Variants in USH2A observed in about 807,000 individuals in gnomAD.
USH2A encodes Usher syndrome 2A (autosomal recessive, mild).
USH2A carries 443 observed loss-of-function variants against 538.9 expected under a neutral mutation model. That is an observed-to-expected ratio of 0.82 (90% CI 0.76 to 0.89). The LOEUF (loss-of-function observed/expected upper bound fraction) is 0.89, where lower values mean the gene tolerates loss of function less well. Among genes scored for constraint, USH2A ranks in the 40% least tolerant of loss-of-function variants. The probability of loss-of-function intolerance (pLI) is 0.00; values close to 1 mark genes in which losing one functional copy is unlikely to be tolerated. For synonymous variants in USH2A, 2,413 were observed against 2,273.5 expected, an observed-to-expected ratio of 1.06 and a Z score of -1.75; for missense variants, 6,633 against 6,324.8, an observed-to-expected ratio of 1.05 and a Z score of -1.65.
Position 216,423,298 on chromosome 1 carries a change from G to A in USH2A, c.-289C>T, listed in dbSNP as rs886045956. 1 of 152,122 alleles carries A rather than the reference G, an allele frequency of 6.6e-6. No individual in the cohort carries two copies. The highest frequency in any genetic ancestry group is 1.5e-5 in the Non-Finnish European group (1 of 68,030). 9.4% of individuals were successfully genotyped at this position (152,122 alleles called of 1,614,324 possible). On this transcript the variant is annotated 5_prime_UTR_variant, in exon 1 of 72. Coordinates refer to ENST00000307340, the MANE Select transcript of USH2A (RefSeq NM_206933.4). ...CCGCTGTCCCTCGTTGCCTGGCAAC[G>A]CTGCTGTAACCCCTGGTTACTCAGC...
At chr1:216,156,342 C>T (rs571651043) in intron 21 of USH2A, among the ~76,000 whole-genome samples, 15 of 128,460 alleles carry the variant, frequency 1.2e-4, no homozygotes, top group East Asian at 1.2e-3. Context: ...GCCTCATCCT[C>T]GGAGAGGTCT....
chr1:215,638,685 TA>T (rs1052669598), intron 69 of USH2A, among the ~76,000 whole-genome samples: 1 of 150,790 alleles, frequency 6.6e-6, no homozygotes, highest in African/African-American at 2.4e-5. Context: ...GAGGACTTTT[TA>T]AAAAATTTCT....
chr1:216,297,748 C>A lies in USH2A; in HGVS notation c.1645-5378G>T, dbSNP rs1347570999. Among the ~76,000 whole-genome samples the A allele has an allele frequency of 3.9e-5, 6 of 152,044 alleles. No homozygotes were observed. In the East Asian group the frequency reaches 5.8e-4, roughly 15 times the overall value. ...AGTGGAGCAAGAAGAAATTTATGAC[C>A]AAAATTTATTTCTGGTTAATTTGAT... On this transcript the variant is annotated intron_variant, in intron 9 of 71. Coordinates refer to ENST00000307340, the MANE Select transcript of USH2A (RefSeq NM_206933.4).
At chr1:215,846,055 C>T (rs1282076039) in intron 44 of USH2A, 22 bp from the exon 45 acceptor site, 2 of 1,609,526 alleles carry the variant, frequency 1.2e-6, no homozygotes, top group Non-Finnish European at 1.7e-6. Context: ...AAATGCAGGA[C>T]ATGGTGAATG....
intron 33 of USH2A, 100 bp downstream of exon 33, chr1:216,000,303 C>T: frequency 1.3e-6 from 2 of 1,488,986 alleles, no homozygotes; most frequent in Non-Finnish European, 1.9e-6. Context: ...TGCATTTAAT[C>T]ACAATAAAAT....
intron 9 of USH2A, among the ~76,000 whole-genome samples, chr1:216,308,966 C>T (rs565665755): frequency 1.4e-4 from 22 of 152,236 alleles, no homozygotes; most frequent in African/African-American, 4.3e-4. Context: ...AGGAAAAATA[C>T]GAACCTCTGT....
At chr1:215,767,096 G>C (rs2102748510) in intron 55 of USH2A, among the ~76,000 whole-genome samples, 1 of 152,318 alleles carries the variant, frequency 6.6e-6, no homozygotes, top group Admixed American at 6.5e-5. Context: ...TATCGGATCA[G>C]AGCACTCCGT....
Position 215,866,988 on chromosome 1 carries a change from G to T in USH2A, c.8845+19C>A. On this transcript the variant is annotated intron_variant, in intron 44 of 71. Coordinates refer to ENST00000307340, the MANE Select transcript of USH2A (RefSeq NM_206933.4). ...AAAAATACACAAAGTGTTAACACAG[G>T]TATGAGAAGCTTACTTACTTGGTTT... 6.2e-7 allele frequency: 1 copy of T among 1,614,012 alleles called. No homozygotes were observed. The highest frequency in any genetic ancestry group is 1.1e-5 in the South Asian group (1 of 91,082).
At chr1:216,411,559 A>T (rs923423319) in intron 3 of USH2A, among the ~76,000 whole-genome samples, 4 of 152,162 alleles carry the variant, frequency 2.6e-5, no homozygotes, top group African/African-American at 9.7e-5. Context: ...GGAGTGATGT[A>T]GCTACAAGCT....
intron 21 of USH2A, among the ~76,000 whole-genome samples, chr1:216,155,422 G>T (rs2033918542): frequency 6.6e-6 from 1 of 152,238 alleles, no homozygotes; most frequent in East Asian, 1.9e-4. Context: ...TAAAACCCAA[G>T]ATTGCTTTTT....
At chr1:216,332,907 G>C (rs551043988) in intron 4 of USH2A, among the ~76,000 whole-genome samples, 1 of 151,990 alleles carries the variant, frequency 6.6e-6, no homozygotes, top group Non-Finnish European at 1.5e-5. Context: ...AAAATGTCTG[G>C]TTTTCAACAA....
chr1:215,858,450 A>G (rs1375737090), intron 44 of USH2A, among the ~76,000 whole-genome samples: 2 of 150,292 alleles, frequency 1.3e-5, no homozygotes, highest in African/African-American at 4.9e-5. Flanking sequence ...TGATGGTTTC[A>G]TAAGTGTTTG....
intron 47 of USH2A, among the ~76,000 whole-genome samples, chr1:215,836,508 A>AT (rs1279699377): frequency 3.4e-5 from 1 of 29,492 alleles, no homozygotes; most frequent in African/African-American, 1.2e-4. Context: ...AATATATATT[A>AT]TATATATATA....
intron 43 of USH2A, among the ~76,000 whole-genome samples, chr1:215,873,982 TA>T (rs1664688146): frequency 1.3e-5 from 2 of 152,290 alleles, no homozygotes; most frequent in South Asian, 4.1e-4. Context: ...TGTTCTTCTT[TA>T]AATCCACAAC....
intron 43 of USH2A, among the ~76,000 whole-genome samples, chr1:215,872,124 T>A (rs898012727): frequency 5.3e-5 from 8 of 152,218 alleles, no homozygotes; most frequent in Non-Finnish European, 1.0e-4. Flanking sequence ...CAACCCAAAG[T>A]ATTTTTCAGT....
chr1:216,045,622 A>C (rs747032570), intron 32 of USH2A, among the ~76,000 whole-genome samples: 39 of 152,194 alleles, frequency 2.6e-4, no homozygotes, highest in Non-Finnish European at 5.9e-5. Flanking sequence ...TCATTGATCC[A>C]ACTGGACACT....
intron 3 of USH2A, among the ~76,000 whole-genome samples, chr1:216,383,217 A>G (rs1188680766): frequency 1.3e-5 from 2 of 152,176 alleles, no homozygotes; most frequent in Non-Finnish European, 2.9e-5. Flanking sequence ...GTATAAGAAA[A>G]AAAAATCCAT....
chr1:216,387,681 A>G (rs1475945939), intron 3 of USH2A, among the ~76,000 whole-genome samples: 2 of 152,326 alleles, frequency 1.3e-5, no homozygotes, highest in East Asian at 3.9e-4. Flanking sequence ...TAAGTACTCA[A>G]TAATACCCTT....
chr1:216,284,351 T>C (rs2036841537), intron 11 of USH2A, among the ~76,000 whole-genome samples: 1 of 152,140 alleles, frequency 6.6e-6, no homozygotes, highest in African/African-American at 2.4e-5. Context: ...AGTTCTCACA[T>C]GATCTGATGG....
Sources: gnomAD v4.1 joint callset for allele counts (sites outside exome capture counted in the v4.1 genomes callset) on GRCh38, gnomAD v4.1.1 for gene constraint, MANE v1.5 for transcripts, NCBI Gene and HGNC (gene_info 2026-07-23, HGNC 2026-07-21) for gene names.